CDH23: variants seen among roughly 807,000 people sequenced by gnomAD.
CDH23 encodes cadherin-23.
In CDH23, 189 loss-of-function variants were observed where a neutral mutation model predicts 317.1. The ratio of observed to expected loss-of-function variants is 0.60; its 90% CI spans 0.53 to 0.67. CDH23 has a LOEUF of 0.67. Ranked by LOEUF, CDH23 falls within the 30% of genes least tolerant of loss-of-function variation. The pLI is 0.00. For synonymous variants in CDH23, 1,839 were observed against 1,876.8 expected (o/e 0.98, Z 0.52); for missense variants, 4,401 against 4,592.4 (o/e 0.96, Z 1.20).
intron 6 of CDH23, among the ~76,000 whole-genome samples, chr10:71,562,506 G>A (rs910817286): frequency 2.0e-4 from 31 of 152,172 alleles, no homozygotes; most frequent in East Asian, 1.7e-3. Context: ...TGCTGTGGGC[G>A]CTAAAGAGGT....
chr10:71,575,721 G>A lies in CDH23; in HGVS notation c.754-2193G>A, dbSNP rs560582490. ...TGCCCTTGGGAGCAGGGTCGGCTCC[G>A]GGCCGAGCACAGCCGCACTTCTCCA... On this transcript the variant is annotated intron_variant, in intron 8 of 69. Coordinates refer to ENST00000224721, the MANE Select transcript of CDH23 (RefSeq NM_022124.6). 1.1e-4 allele frequency among the ~76,000 whole-genome samples: 16 copies of A among 152,292 alleles called. No individual in the cohort carries two copies. In the East Asian group the frequency reaches 1.5e-3, roughly 15 times the overall value.
intron 3 of CDH23, among the ~76,000 whole-genome samples, chr10:71,476,322 T>C (rs1274821514): frequency 6.6e-6 from 1 of 152,180 alleles, no homozygotes; most frequent in Non-Finnish European, 1.5e-5. Flanking sequence ...TTTGGGAGAA[T>C]CTGAGACTTG....
At chr10:71,762,008 T>G in intron 38 of CDH23, 8 of 1,605,574 alleles carry the variant, frequency 5.0e-6, no homozygotes, top group Non-Finnish European at 6.0e-6. Context: ...CGTGGCGACC[T>G]TGAAGGCTGC....
At chr10:71,603,513 C>T (rs1860349787) in intron 9 of CDH23, among the ~76,000 whole-genome samples, 1 of 152,178 alleles carries the variant, frequency 6.6e-6, no homozygotes, top group South Asian at 2.1e-4. Context: ...ACCTTGGCTC[C>T]CACTCTTAGC....
intron 14 of CDH23, chr10:71,647,798 A>G (rs928048108): frequency 6.6e-6 from 1 of 152,258 alleles, no homozygotes; most frequent in Non-Finnish European, 1.5e-5. Flanking sequence ...AGGGGCTTCT[A>G]TTCTAAGACA....
chr10:71,702,417 G>T, intron 23 of CDH23, 132 bp from the exon 24 acceptor site: 1 of 1,261,144 alleles, frequency 7.9e-7, no homozygotes. Flanking sequence ...GGCCTAGGCT[G>T]CTTCCTGGAG....
chr10:71,452,083 C>A (rs1433294974), intron 3 of CDH23, among the ~76,000 whole-genome samples: 1 of 152,204 alleles, frequency 6.6e-6, no homozygotes, highest in African/African-American at 2.4e-5. Flanking sequence ...CCGCGCTGTG[C>A]CAGAGGTCCT....
At position 71,809,872 on chromosome 10, in the gene CDH23, CG is replaced by C; in HGVS notation, c.8777del (p.Gly2926AlafsTer26). ...TCGACCTCTTCATGGCCTACAGCCCCGGCTACTTCGTGGTGGACATTGTGGC... is the reference window on the plus strand; with the variant it reads ...TCGACCTCTTCATGGCCTACAGCCCCGCTACTTCGTGGTGGACATTGTGGC... ...TFDLFMAYSP[G>X]YFVVDIVARD... On this transcript the variant is annotated frameshift_variant, in exon 61 of 70. Coordinates refer to ENST00000224721, the MANE Select transcript of CDH23 (RefSeq NM_022124.6). LOFTEE classifies it high-confidence loss of function. The C allele has an allele frequency of 6.2e-7, 1 of 1,613,438 alleles. No individual in the cohort carries two copies. The highest frequency in any genetic ancestry group is 1.1e-5 in the South Asian group (1 of 91,084).
chr10:71,505,132 G>A (rs1853564043), intron 3 of CDH23, among the ~76,000 whole-genome samples: 2 of 152,310 alleles, frequency 1.3e-5, no homozygotes, highest in South Asian at 2.1e-4. Flanking sequence ...TGGGGAGGAG[G>A]TTCCAGGAAA....
intron 1 of CDH23, among the ~76,000 whole-genome samples, chr10:71,420,996 A>T (rs1848786497): frequency 6.6e-6 from 1 of 152,252 alleles, no homozygotes; most frequent in African/African-American, 2.4e-5. Context: ...CTCTGCAAAT[A>T]GCTTTGTTCC....
chr10:71,398,428 A>AGTGTGTGTGTGTGTGTGTGT (rs143519061), intron 1 of CDH23, among the ~76,000 whole-genome samples: 5 of 120,166 alleles, frequency 4.2e-5, no homozygotes, highest in Admixed American at 8.5e-5. Context: ...GAGACACAGG[A>AGTGTGTGTGTGTGTGTGTGT]GTGTGTGTGT....
intron 3 of CDH23, among the ~76,000 whole-genome samples, chr10:71,469,709 G>GA (rs1437767589): frequency 6.6e-6 from 1 of 152,080 alleles, no homozygotes; most frequent in Non-Finnish European, 1.5e-5. Context: ...GGGTTCAAGA[G>GA]ATTCTCCTAC....
Position 71,812,541 on chromosome 10 carries a change from C to A in CDH23, c.9442C>A (p.His3148Asn). ...RNLELAAQAE[H>N]EDDLPENLSE... is the part of the protein sequence containing the mutation. Reference sequence around the variant, plus strand: ...CCTGGAGCTGGCCGCCCAGGCGGAGCATGAGGATGACCTACCGGAGAACCT... The same window carrying A: ...CCTGGAGCTGGCCGCCCAGGCGGAGAATGAGGATGACCTACCGGAGAACCT... The change falls in exon 67 of 70, where the codon CAT (histidine) becomes AAT (asparagine). Residue 3148 changes from histidine (H) to asparagine (N), a missense_variant. By Grantham distance (68) the His-to-Asn change is moderately conservative. This residue lies in a region of CDH23 where 1,144 missense variants were observed against 1,138.2 expected (regional missense o/e 1.01). Coordinates refer to ENST00000224721, the MANE Select transcript of CDH23 (RefSeq NM_022124.6). 1 of 1,612,662 alleles carries A rather than the reference C, an allele frequency of 6.2e-7. No homozygotes were observed. Among genetic ancestry groups the A allele is most frequent in the Non-Finnish European group, 8.5e-7 (1 of 1,179,140 alleles).
At chr10:71,695,372 C>G in intron 21 of CDH23, 46 bp from the exon 22 acceptor site, 20 of 1,363,910 alleles carry the variant, frequency 1.5e-5, no homozygotes, top group Non-Finnish European at 2.0e-5. Flanking sequence ...CTGCCCTGGC[C>G]CATCTCAGCT....
At chr10:71,677,832 C>A in intron 16 of CDH23, 139 bp downstream of exon 16, 1 of 713,994 alleles carries the variant, frequency 1.4e-6, no homozygotes, top group Non-Finnish European at 2.4e-6. Context: ...GTGGTACAAT[C>A]AGAGTTCATT....
At chr10:71,625,146 C>G (rs1477045631) in intron 11 of CDH23, among the ~76,000 whole-genome samples, 1 of 151,924 alleles carries the variant, frequency 6.6e-6, no homozygotes, top group Non-Finnish European at 1.5e-5. Context: ...GACGCACCCC[C>G]ACTGGGGGCC....
At chr10:71,740,281 C>A (rs180945559) in intron 36 of CDH23, among the ~76,000 whole-genome samples, 1 of 152,216 alleles carries the variant, frequency 6.6e-6, no homozygotes, top group South Asian at 2.1e-4. Flanking sequence ...CTCAGGACTG[C>A]GCTTCTGCAG....
rs150236925 is a variant in CDH23, at chr10:71,506,600, T to C, written c.146-3482T>C. ...GAGACTGGCCTCACTCCTGTAGGAA[T>C]AGCACAACCATAGGTTGCTGGAAAC... On this transcript the variant is annotated intron_variant, in intron 3 of 69. Transcript: ENST00000224721. 4.9e-4 allele frequency among the ~76,000 whole-genome samples: 74 copies of C among 152,108 alleles called. 1 individual carries two copies. The highest frequency in any genetic ancestry group is 3.3e-3 in the South Asian group (16 of 4,812).
At chr10:71,806,030 C>CG in intron 56 of CDH23, 33 bp downstream of exon 56, 1 of 617,254 alleles carries the variant, frequency 1.6e-6, no homozygotes, top group Non-Finnish European at 2.7e-6. Flanking sequence ...GGGGCGGGGT[C>CG]TGGGGCGGGG....
Sources: allele counts gnomAD v4.1 joint callset (sites outside exome capture counted in the v4.1 genomes callset), GRCh38; gene constraint gnomAD v4.1.1; regional missense constraint gnomAD v4.1.1; transcripts MANE v1.5; gene names NCBI Gene and HGNC (gene_info 2026-07-23, HGNC 2026-07-21).